TRAPPC8: variants seen among roughly 807,000 people sequenced by gnomAD.
The protein encoded by TRAPPC8 is general sporulation gene 1 homolog.
TRAPPC8 carries 54 observed loss-of-function variants against 174.3 expected under a neutral mutation model. The observed-to-expected ratio is 0.31, with a 90% CI of 0.25 to 0.39. The LOEUF (loss-of-function observed/expected upper bound fraction) is 0.39, where lower values mean the gene tolerates loss of function less well. Among genes scored for constraint, TRAPPC8 ranks in the 10% least tolerant of loss-of-function variants. TRAPPC8 has a pLI of 1.00. For synonymous variants in TRAPPC8, 630 were observed against 579.9 expected, an observed-to-expected ratio of 1.09 and a Z score of -1.24; for missense variants, 1,531 against 1,699.1, an observed-to-expected ratio of 0.90 and a Z score of 1.74.
At chr18:31,908,259 A>C in intron 8 of TRAPPC8, 44 bp downstream of exon 8, 1 of 1,202,648 alleles carries the variant, frequency 8.3e-7, no homozygotes, top group East Asian at 2.5e-5. Flanking sequence ...CACTAGTCAG[A>C]GAGTTAAACA....
At chr18:31,884,982 T>C (rs2035636211) in intron 12 of TRAPPC8, among the ~76,000 whole-genome samples, 1 of 151,356 alleles carries the variant, frequency 6.6e-6, no homozygotes, top group Non-Finnish European at 1.5e-5. Context: ...GCCTCCCGAG[T>C]AGCTGGGACT....
chr18:31,913,621 C>T (rs2037010150), intron 4 of TRAPPC8, 99 bp from the exon 5 acceptor site: 2 of 903,416 alleles, frequency 2.2e-6, no homozygotes, highest in South Asian at 5.0e-5. Context: ...AAAATAATCC[C>T]CCAAAAAGGC....
intron 11 of TRAPPC8, among the ~76,000 whole-genome samples, chr18:31,897,279 TTC>T (rs1310619946): frequency 1.3e-5 from 2 of 152,236 alleles, no homozygotes; most frequent in Non-Finnish European, 2.9e-5. Flanking sequence ...AATTACTTTT[TTC>T]TCTTTTAAAA....
chr18:31,938,105 A>G lies in TRAPPC8; in HGVS notation c.157+4503T>C, dbSNP rs2038181391. On this transcript the variant is annotated intron_variant, in intron 1 of 28. Transcript: ENST00000283351. Reference sequence around the variant, plus strand: ...GTGAAATTTTCTTAAAACTTACAGAACATCTAAATGATATATTGCAACATT... The same window carrying G: ...GTGAAATTTTCTTAAAACTTACAGAGCATCTAAATGATATATTGCAACATT... Among the ~76,000 whole-genome samples the G allele has an allele frequency of 3.9e-5, 6 of 152,312 alleles. No homozygotes were observed. The South Asian group carries it at 1.2e-3, about 32-fold the overall frequency.
rs1325708461 is a variant in TRAPPC8, at chr18:31,853,942, C to T, written c.3340G>A (p.Glu1114Lys). 6.2e-7 allele frequency: 1 copy of T among 1,604,036 alleles called. No homozygotes were observed. The highest frequency in any genetic ancestry group is 8.5e-7 in the Non-Finnish European group (1 of 1,177,148). ...ATGTGGAATTCCTTAACGCCTGCTT[C>T]ACTCTGTCAAAAAAAAAGATAGGAG... The part of the protein sequence containing the change: ...FVDVENTNTS[E>K]AGVKEFHIVQ... Residue 1114 changes from glutamate to lysine, a missense_variant, in exon 22 of 29, where the codon GAA (glutamate) becomes AAA (lysine). By Grantham distance (56) the Glu-to-Lys change is moderately conservative (BLOSUM62 1). Transcript: ENST00000283351.
intron 19 of TRAPPC8, among the ~76,000 whole-genome samples, chr18:31,861,368 C>A (rs2034312541): frequency 6.6e-6 from 1 of 151,984 alleles, no homozygotes; most frequent in Non-Finnish European, 1.5e-5. Flanking sequence ...AAATACAGAC[C>A]TAGCAATATC....
chr18:31,903,874 C>T (rs2036549017), intron 9 of TRAPPC8, among the ~76,000 whole-genome samples: 1 of 146,720 alleles, frequency 6.8e-6, no homozygotes, highest in Non-Finnish European at 1.5e-5. Flanking sequence ...AAAAAACAAA[C>T]TCATTCTACT....
At chr18:31,844,756 G>A (rs1957959321) in intron 26 of TRAPPC8, among the ~76,000 whole-genome samples, 2 of 150,048 alleles carry the variant, frequency 1.3e-5, no homozygotes. Flanking sequence ...AAAGAAACCA[G>A]ACATTTATAC....
intron 2 of TRAPPC8, among the ~76,000 whole-genome samples, chr18:31,920,679 C>T (rs1054339874): frequency 2.6e-5 from 4 of 152,020 alleles, no homozygotes; most frequent in African/African-American, 7.2e-5. Flanking sequence ...GTGGCTCACA[C>T]CTGTAATCCC....
intron 19 of TRAPPC8, among the ~76,000 whole-genome samples, chr18:31,861,633 A>G (rs1008271256): frequency 7.9e-5 from 12 of 152,146 alleles, no homozygotes; most frequent in Admixed American, 2.6e-4. Context: ...TTTAAATGAT[A>G]TGGCTTATTG....
At chr18:31,849,269 T>TC (rs1035533577) in intron 25 of TRAPPC8, among the ~76,000 whole-genome samples, 35 of 152,186 alleles carry the variant, frequency 2.3e-4, no homozygotes, top group African/African-American at 8.4e-4. Flanking sequence ...GTGCTATTTT[T>TC]CCCTCTGTAG....
At position 31,855,727 on chromosome 18, in the gene TRAPPC8, G is replaced by A. The variant is rs750734168; in HGVS notation, c.3269C>T (p.Ser1090Phe). The change falls in exon 21 of 29, where the codon TCT becomes TTT. Residue 1090 changes from serine (S) to phenylalanine (F), a missense_variant. Transcript: ENST00000283351. ...TCCTCTGCCTTCTTCATTTTCAAGAGAATTACTTCTGCAGACAGTGGCCCG... is the reference window on the plus strand; with the variant it reads ...TCCTCTGCCTTCTTCATTTTCAAGAAAATTACTTCTGCAGACAGTGGCCCG... ...NVRATVCRSN[S>F]LENEEGRGGN... 10 of 1,610,492 alleles carry A rather than the reference G, an allele frequency of 6.2e-6. No individual in the cohort carries two copies. Among genetic ancestry groups the A allele is most frequent in the African/African-American group, 1.4e-5 (1 of 74,068 alleles).
In TRAPPC8 at chr18:31,878,722, C is replaced by A. The variant is rs185714337; in HGVS notation, c.1729-4018G>T. Among the ~76,000 whole-genome samples, 7 of 152,224 alleles carry A rather than the reference C, an allele frequency of 4.6e-5. No individual in the cohort carries two copies. The East Asian group carries it at 7.7e-4, about 17-fold the overall frequency. On this transcript the variant is annotated intron_variant, in intron 12 of 28. Transcript: ENST00000283351. ...ACAAGATCCAAGCATATGCTATCTA[C>A]AAGAGACCTATCTTCTGTGTAACGA...
At chr18:31,934,169 CAG>C (rs2037978391) in intron 1 of TRAPPC8, among the ~76,000 whole-genome samples, 2 of 150,496 alleles carry the variant, frequency 1.3e-5, no homozygotes, top group African/African-American at 4.9e-5. Context: ...GCCTGGGCGA[CAG>C]AGACTCCCTT....
At chr18:31,912,401 G>A (rs2036950904) in intron 5 of TRAPPC8, among the ~76,000 whole-genome samples, 1 of 152,116 alleles carries the variant, frequency 6.6e-6, no homozygotes, top group South Asian at 2.1e-4. Flanking sequence ...TGAGAGAGGA[G>A]AACTGCTTGA....
intron 26 of TRAPPC8, among the ~76,000 whole-genome samples, chr18:31,845,890 TATTC>T (rs1240899105): frequency 1.3e-5 from 2 of 152,320 alleles, no homozygotes; most frequent in East Asian, 3.9e-4. Context: ...GCTTATATTC[TATTC>T]ATATTTACTA....
In TRAPPC8 at chr18:31,908,942, T is replaced by A. The variant is rs200912463; in HGVS notation, c.934A>T (p.Ile312Phe). 1 of 1,613,636 alleles carries A rather than the reference T, an allele frequency of 6.2e-7. No homozygotes were observed. The highest frequency in any genetic ancestry group is 8.5e-7 in the Non-Finnish European group (1 of 1,179,792). ...GATCTTAGATGATCTGGGCCATCAA[T>A]ACTGTTAGAAGGGTCACTGGATTGC... is the stretch of plus-strand genomic sequence containing the variant. ...LEQSSDPSNS[I>F]DGPDHLRSAS... is the part of the protein sequence containing the mutation. Residue 312 changes from isoleucine (I) to phenylalanine (F), a missense_variant, in exon 7 of 29, where the codon ATT becomes TTT. Physicochemically the swap from Ile to Phe is conservative, Grantham distance 21 (BLOSUM62 0). Transcript: ENST00000283351.
rs1386989299 is a variant in TRAPPC8 at position 31,829,287 on chromosome 18, T to C, written c.*1468A>G. 2.0e-5 allele frequency: 3 copies of C among 152,230 alleles called. No homozygotes were observed. The highest frequency in any genetic ancestry group is 4.4e-5 in the Non-Finnish European group (3 of 68,042). 9.4% of individuals were successfully genotyped at this position (152,230 alleles called of 1,614,324 possible). ...TTATTAGTGTCTGTTTAACAATCGG[T>C]TCAATTTAATATTCAGCTGAGTGGT... On this transcript the variant is annotated 3_prime_UTR_variant, in exon 29 of 29. Transcript: ENST00000283351.
chr18:31,932,126 G>T (rs536783060), intron 1 of TRAPPC8, among the ~76,000 whole-genome samples: 1 of 151,998 alleles, frequency 6.6e-6, no homozygotes, highest in African/African-American at 2.4e-5. Flanking sequence ...TAAAAATAGA[G>T]TCTACTTAAA....
Sources: allele counts gnomAD v4.1 joint callset (sites outside exome capture counted in the v4.1 genomes callset), GRCh38; gene constraint gnomAD v4.1.1; transcripts MANE v1.5; gene names NCBI Gene and HGNC (gene_info 2026-07-23, HGNC 2026-07-21).